The following RARB variants were observed in gnomAD, a reference collection of about 807,000 sequenced individuals.
RARB encodes HBV-activated protein.
A neutral mutation model predicts 51.9 loss-of-function variants in RARB; 17 were observed. That is an observed-to-expected ratio of 0.33 (90% CI 0.22 to 0.49). RARB has a LOEUF of 0.49. Among genes scored for constraint, RARB ranks in the 20% least tolerant of loss-of-function variants. The pLI is 0.99. For synonymous variants in RARB, 215 were observed against 195.4 expected (o/e 1.10, Z -0.84); for missense variants, 369 against 550.8 (o/e 0.67, Z 3.30).
At chr3:25,498,843 C>T (rs1697165242) in intron 2 of RARB, among the ~76,000 whole-genome samples, 1 of 152,194 alleles carries the variant, frequency 6.6e-6, no homozygotes, top group South Asian at 2.1e-4. Context: ...TGAGTTTCTA[C>T]ATCTGGCAGC....
At chr3:25,188,104 T>G (rs1701018099) in intron 5 of RARB, among the ~76,000 whole-genome samples, 2 of 152,254 alleles carry the variant, frequency 1.3e-5, no homozygotes, top group South Asian at 4.1e-4. Context: ...TCTTACATTT[T>G]TAACATATAT....
chr3:25,361,334 C>A (rs542773397), intron 5 of RARB, among the ~76,000 whole-genome samples: 1 of 152,292 alleles, frequency 6.6e-6, no homozygotes, highest in South Asian at 2.1e-4. Context: ...TCCATCAGGT[C>A]ATTTATGTTT....
At chr3:25,220,689 C>T (rs1701928345) in intron 5 of RARB, among the ~76,000 whole-genome samples, 1 of 152,206 alleles carries the variant, frequency 6.6e-6, no homozygotes, top group African/African-American at 2.4e-5. Flanking sequence ...TTGCCTTCCA[C>T]CATGATTGTA....
At chr3:24,974,788 A>G (rs1421041910) in intron 2 of RARB, among the ~76,000 whole-genome samples, 1 of 152,190 alleles carries the variant, frequency 6.6e-6, no homozygotes, top group African/African-American at 2.4e-5. Flanking sequence ...AGTATAAGGA[A>G]CACTCTCAAC....
intron 5 of RARB, among the ~76,000 whole-genome samples, chr3:25,268,436 CT>C (rs1703176498): frequency 6.6e-6 from 1 of 151,404 alleles, no homozygotes; most frequent in Admixed American, 6.6e-5. Context: ...AAAAGTGGAT[CT>C]GTGTTTTTCA....
chr3:25,478,415 CT>C (rs1187912720), intron 2 of RARB, among the ~76,000 whole-genome samples: 7 of 152,158 alleles, frequency 4.6e-5, no homozygotes, highest in Non-Finnish European at 7.4e-5. Flanking sequence ...TCTTGAGAGC[CT>C]GTTGTAGGAA....
chr3:25,045,790 A>G (rs188054071), intron 2 of RARB, among the ~76,000 whole-genome samples: 3 of 152,378 alleles, frequency 2.0e-5, no homozygotes, highest in African/African-American at 7.2e-5. Flanking sequence ...GAACTTCTTA[A>G]GGTTTAATAT....
chr3:25,426,707 T>C (rs988308681), upstream of RARB, among the ~76,000 whole-genome samples: 6 of 152,210 alleles, frequency 3.9e-5, no homozygotes, highest in African/African-American at 1.4e-4. Flanking sequence ...ACAGAGGCAG[T>C]GGAGAAAAAA....
chr3:25,344,616 C>G (rs1362165146), intron 5 of RARB, among the ~76,000 whole-genome samples: 1 of 152,154 alleles, frequency 6.6e-6, no homozygotes, highest in Admixed American at 6.5e-5. Context: ...TTGAAAGTTC[C>G]AAGATGGGAC....
chr3:24,837,102 C>G (rs1336771161), intron 1 of RARB, among the ~76,000 whole-genome samples: 1 of 152,122 alleles, frequency 6.6e-6, no homozygotes, highest in African/African-American at 2.4e-5. Context: ...TAGTTTACCT[C>G]TTTGACCTTA....
chr3:25,284,088 A>T (rs543748996), intron 5 of RARB, among the ~76,000 whole-genome samples: 12 of 152,080 alleles, frequency 7.9e-5, no homozygotes, highest in Non-Finnish European at 1.8e-4. Context: ...TGCTGCATTG[A>T]TGAAGTAAAC....
At chr3:25,015,031 T>C (rs1171413456) in intron 2 of RARB, among the ~76,000 whole-genome samples, 4 of 152,190 alleles carry the variant, frequency 2.6e-5, no homozygotes, top group Non-Finnish European at 5.9e-5. Context: ...ACAAACAGAT[T>C]TGAAGTGCTC....
chr3:25,283,977 AG>A (rs1236930669), intron 5 of RARB, among the ~76,000 whole-genome samples: 1 of 152,212 alleles, frequency 6.6e-6, no homozygotes, highest in Non-Finnish European at 1.5e-5. Context: ...ATAAGGCAAA[AG>A]TGATGGTAGG....
At chr3:25,195,147 C>A (rs1203183154) in intron 5 of RARB, among the ~76,000 whole-genome samples, 2 of 152,002 alleles carry the variant, frequency 1.3e-5, no homozygotes, top group African/African-American at 4.8e-5. Context: ...GAAATCCCAT[C>A]ATACAAACTA....
At chr3:25,328,300 A>T (rs1704784842) in intron 5 of RARB, among the ~76,000 whole-genome samples, 1 of 152,244 alleles carries the variant, frequency 6.6e-6, no homozygotes, top group Non-Finnish European at 1.5e-5. Context: ...CGGGCGGATC[A>T]CCTCAGGTGA....
chr3:25,434,092 G>T (rs752304243), intron 1 of RARB, among the ~76,000 whole-genome samples: 2 of 152,194 alleles, frequency 1.3e-5, no homozygotes, highest in South Asian at 2.1e-4. Flanking sequence ...AGGAACTGAC[G>T]TCAGCAAGGC....
At chr3:25,364,092 C>A (rs1706038709) in intron 5 of RARB, among the ~76,000 whole-genome samples, 2 of 152,076 alleles carry the variant, frequency 1.3e-5, no homozygotes, top group Admixed American at 1.3e-4. Context: ...TATAGCACTT[C>A]TTATCTTTTA....
At chr3:24,990,148 T>C (rs113556918) in intron 2 of RARB, among the ~76,000 whole-genome samples, 5,444 of 104,024 alleles carry the variant, frequency 0.052, 1,841 homozygotes, top group African/African-American at 0.2. Context: ...GTTATTTCAC[T>C]ATTGTTTATT....
chr3:25,091,920 T>C (rs1199359107), intron 3 of RARB, among the ~76,000 whole-genome samples: 2 of 152,256 alleles, frequency 1.3e-5, no homozygotes, highest in South Asian at 2.1e-4. Flanking sequence ...TCGGAAGATG[T>C]GTGTGGAGAT....
Sources: gnomAD v4.1 joint callset for allele counts (sites outside exome capture counted in the v4.1 genomes callset) on GRCh38, gnomAD v4.1.1 for gene constraint, MANE v1.5 for transcripts, NCBI Gene and HGNC (gene_info 2026-07-23, HGNC 2026-07-21) for gene names.